Variants in ATP6V0A1 observed in about 807,000 individuals in gnomAD.
ATP6V0A1 encodes ATPase H+ transporting V0 subunit a1, also known as V-type proton ATPase 116 kDa subunit a 1.
ATP6V0A1 carries 43 observed loss-of-function variants against 105.4 expected under a neutral mutation model. That is an observed-to-expected ratio of 0.41 (90% CI 0.32 to 0.53). The LOEUF (loss-of-function observed/expected upper bound fraction) is 0.53. Ranked by LOEUF, ATP6V0A1 falls within the 20% of genes least tolerant of loss-of-function variation. The pLI, the probability that ATP6V0A1 is intolerant of heterozygous loss-of-function variation, is 0.30. For synonymous variants in ATP6V0A1, 362 were observed against 372.8 expected (o/e 0.97, Z 0.33); for missense variants, 676 against 1,051.1 (o/e 0.64, Z 4.93).
At chr17:42,460,778 T>G (rs1387444972) in intron 1 of ATP6V0A1, 70 bp from the exon 2 acceptor site, 1 of 769,444 alleles carries the variant, frequency 1.3e-6, no homozygotes, top group Non-Finnish European at 2.3e-6. Context: ...GCAAGAGCCG[T>G]AGTGGGGTGT....
intron 11 of ATP6V0A1, 35 bp from the exon 12 acceptor site, chr17:42,494,299 T>C (rs773589122): frequency 8.9e-6 from 14 of 1,576,720 alleles, no homozygotes; most frequent in Middle Eastern, 1.7e-4. Flanking sequence ...TGGTTTAATG[T>C]ACTTTGTATT....
At chr17:42,481,088 A>AT (rs1436628258) in intron 8 of ATP6V0A1, 2 of 166,730 alleles carry the variant, frequency 1.2e-5, no homozygotes, top group East Asian at 1.7e-4. Flanking sequence ...TACCTGGCTA[A>AT]TTTTTTGTAT....
At chr17:42,464,890 C>A (rs1214553581) in intron 2 of ATP6V0A1, among the ~76,000 whole-genome samples, 4 of 151,996 alleles carry the variant, frequency 2.6e-5, no homozygotes, top group Admixed American at 2.6e-4. Flanking sequence ...AAATATAGTT[C>A]TTTATTTGTG....
At chr17:42,515,687 C>CTGAG (rs1489334383) in intron 21 of ATP6V0A1, among the ~76,000 whole-genome samples, 1 of 151,884 alleles carries the variant, frequency 6.6e-6, no homozygotes, top group Non-Finnish European at 1.5e-5. Context: ...ACTTGGGAGG[C>CTGAG]TGAGGCAGGA....
At chr17:42,465,925 C>G (rs1053874418) in intron 2 of ATP6V0A1, among the ~76,000 whole-genome samples, 3 of 152,016 alleles carry the variant, frequency 2.0e-5, no homozygotes, top group African/African-American at 7.2e-5. Flanking sequence ...AAGATCACGC[C>G]ACTGCACTCC....
intron 5 of ATP6V0A1, among the ~76,000 whole-genome samples, chr17:42,475,846 T>G (rs2088660609): frequency 6.6e-6 from 1 of 152,234 alleles, no homozygotes. Context: ...TTAATTTTGT[T>G]GTTTTTTATT....
intron 19 of ATP6V0A1, chr17:42,510,850 G>C (rs972682280): frequency 1.3e-5 from 2 of 152,248 alleles, no homozygotes; most frequent in Non-Finnish European, 2.9e-5. Context: ...AGAATGGCGA[G>C]CCTGAAGTGA....
In ATP6V0A1 at chr17:42,494,741, C is replaced by CT. The variant is rs200329523; in HGVS notation, c.1314+269dup. On this transcript the variant is annotated intron_variant, in intron 12 of 21. Coordinates refer to ENST00000343619, the MANE Select transcript of ATP6V0A1 (RefSeq NM_001130021.3). ...TAGGCAACATAGTGAGACCCCATCT[C>CT]TAAAAAAATAAAAATTATTTAGGTT... The CT allele has an allele frequency of 1.0e-3, 485 of 467,450 alleles. 6 individuals carry two copies. The East Asian group carries it at 0.016, about 15-fold the overall frequency. 29.0% of individuals were successfully genotyped at this position (467,450 alleles called of 1,614,324 possible). A position where few individuals can be genotyped will look rare whatever the true frequency, so the allele number is the denominator to read the frequency against.
Position 42,500,074 on chromosome 17 carries a change from C to CAA in ATP6V0A1, c.1680-614_1680-613dup, listed in dbSNP as rs199733869. Among the ~76,000 whole-genome samples the CAA allele has an allele frequency of 2.9e-3, 177 of 61,044 alleles. 1 individual carries two copies. Among genetic ancestry groups the CAA allele is most frequent in the African/African-American group, 8.4e-3 (157 of 18,702 alleles). The allele number at this position is 61,044 out of a possible 152,430, so 40.0% of individuals were successfully genotyped here. Reference sequence around the variant, plus strand: ...AACACGGCAAAAGACCCCATCTCTACAAAAAAAAAAAAAAAAAAAAGTTAT... The same window carrying CAA: ...AACACGGCAAAAGACCCCATCTCTACAAAAAAAAAAAAAAAAAAAAAAGTTAT... On this transcript the variant is annotated intron_variant, in intron 15 of 21. Coordinates refer to ENST00000343619, the MANE Select transcript of ATP6V0A1 (RefSeq NM_001130021.3).
intron 6 of ATP6V0A1, 127 bp downstream of exon 6, chr17:42,477,869 C>T: frequency 2.7e-6 from 2 of 744,424 alleles, no homozygotes; most frequent in Admixed American, 3.0e-5. Flanking sequence ...TTGAGATAGT[C>T]CTACAACTCT....
At chr17:42,516,605 A>G (rs529307125) in intron 21 of ATP6V0A1, among the ~76,000 whole-genome samples, 7 of 152,104 alleles carry the variant, frequency 4.6e-5, no homozygotes, top group Non-Finnish European at 8.8e-5. Context: ...GGGAACAGTG[A>G]CCACCTCACC....
At chr17:42,480,538 TA>T in intron 7 of ATP6V0A1, 128 bp from the exon 8 acceptor site, 1 of 749,102 alleles carries the variant, frequency 1.3e-6, no homozygotes, top group Non-Finnish European at 2.1e-6. Context: ...GGGCAGTGGT[TA>T]AAATGCAGGA....
Position 42,521,097 on chromosome 17 carries a change from C to G in ATP6V0A1, c.2491C>G (p.Arg831Gly), listed in dbSNP as rs765087589. Reference sequence around the variant, plus strand: ...CTTACCCTTCTCCTTCGAGCATATTCGGGAAGGGAAGTTTGAAGAGTGAGT... The same window carrying G: ...CTTACCCTTCTCCTTCGAGCATATTGGGGAAGGGAAGTTTGAAGAGTGAGT... ...KFLPFSFEHI[R>G]EGKFEE The change falls in exon 22 of 22, where the codon CGG becomes GGG. Residue 831 changes from arginine to glycine, a missense_variant. Coordinates refer to ENST00000343619, the MANE Select transcript of ATP6V0A1 (RefSeq NM_001130021.3). This position sits in a 1 kb window ranked among gnomAD's most constrained non-coding sequence, Gnocchi z 4.8. 1 of 1,609,130 alleles carries G rather than the reference C, an allele frequency of 6.2e-7. No homozygotes were observed. The highest frequency in any genetic ancestry group is 1.3e-5 in the African/African-American group (1 of 74,604).
intron 17 of ATP6V0A1, chr17:42,507,276 A>G: frequency 2.4e-6 from 1 of 420,698 alleles, no homozygotes; most frequent in Non-Finnish European, 4.4e-6. Flanking sequence ...CACAGCAGAC[A>G]GAACTGCATA....
chr17:42,490,803 C>T (rs2090549352), intron 11 of ATP6V0A1, among the ~76,000 whole-genome samples, 166 bp downstream of exon 11: 1 of 152,178 alleles, frequency 6.6e-6, no homozygotes, highest in African/African-American at 2.4e-5. Context: ...ATCCTCCCAA[C>T]TCAGTCTCCT....
intron 21 of ATP6V0A1, among the ~76,000 whole-genome samples, chr17:42,517,567 C>G (rs1395055973): frequency 6.6e-6 from 1 of 152,210 alleles, no homozygotes; most frequent in Non-Finnish European, 1.5e-5. Flanking sequence ...GAGGGCTGTT[C>G]CCGTGACACG....
At chr17:42,487,025 C>T (rs1010863940) in intron 9 of ATP6V0A1, 130 bp from the exon 10 acceptor site, 3 of 851,920 alleles carry the variant, frequency 3.5e-6, no homozygotes, top group African/African-American at 3.4e-5. Flanking sequence ...AGAAACCATT[C>T]TAGCCAGAGG....
intron 17 of ATP6V0A1, among the ~76,000 whole-genome samples, chr17:42,505,246 C>T (rs2146195333): frequency 6.6e-6 from 1 of 151,364 alleles, no homozygotes; most frequent in African/African-American, 2.4e-5. Context: ...TGCCCTGTCG[C>T]CCAGGCTAGA....
chr17:42,503,183 T>A (rs2091808783), intron 17 of ATP6V0A1, among the ~76,000 whole-genome samples: 1 of 152,206 alleles, frequency 6.6e-6, no homozygotes, highest in South Asian at 2.1e-4. Context: ...ACTCACCCAC[T>A]TTCATGTCTG....
Sources: gnomAD v4.1 joint callset for allele counts (sites outside exome capture counted in the v4.1 genomes callset) on GRCh38, gnomAD v4.1.1 for gene constraint, Gnocchi (gnomAD v3.1) non-coding constraint, MANE v1.5 for transcripts, NCBI Gene and HGNC (gene_info 2026-07-23, HGNC 2026-07-21) for gene names.